HERC1: variants seen among roughly 807,000 people sequenced by gnomAD.
HERC1 encodes probable E3 ubiquitin-protein ligase HERC1.
In HERC1, 160 loss-of-function variants were observed where a neutral mutation model predicts 554.3. The observed-to-expected ratio is 0.29, with a 90% confidence interval of 0.25 to 0.33. The LOEUF (loss-of-function observed/expected upper bound fraction) is 0.33. Among genes scored for constraint, HERC1 ranks in the 10% least tolerant of loss-of-function variants. HERC1 has a pLI of 1.00. For synonymous variants in HERC1, 2,175 were observed against 2,131.7 expected (o/e 1.02, Z -0.56); for missense variants, 4,919 against 5,918.5 (o/e 0.83, Z 5.54).
intron 39 of HERC1, among the ~76,000 whole-genome samples, chr15:63,671,203 CAAAAAAAAAAA>C (rs371521135): frequency 1.6e-5 from 2 of 123,478 alleles, no homozygotes; most frequent in African/African-American, 6.1e-5. Context: ...AACTTTGTCT[CAAAAAAAAAAA>C]AAAAAAAATT....
At chr15:63,672,327 T>A (rs2070975500) in intron 39 of HERC1, among the ~76,000 whole-genome samples, 169 bp downstream of exon 39, 1 of 152,234 alleles carries the variant, frequency 6.6e-6, no homozygotes, top group Non-Finnish European at 1.5e-5. Flanking sequence ...ATTAAACTTC[T>A]GAGGGACATT....
chr15:63,709,146 C>T (rs146052857), intron 24 of HERC1, among the ~76,000 whole-genome samples: 1,937 of 151,850 alleles, frequency 0.013, 22 homozygotes, highest in East Asian at 0.023. Flanking sequence ...ACCACAACAC[C>T]CAGCTAATAT....
intron 1 of HERC1, among the ~76,000 whole-genome samples, chr15:63,811,092 T>C (rs2145278992): frequency 6.6e-6 from 1 of 152,174 alleles, no homozygotes; most frequent in African/African-American, 2.4e-5. Context: ...AATATATGAA[T>C]GTGATTGGAT....
intron 61 of HERC1, 123 bp downstream of exon 61, chr15:63,640,029 A>G (rs1442238884): frequency 2.2e-6 from 2 of 930,056 alleles, no homozygotes; most frequent in Non-Finnish European, 3.2e-6. Context: ...AATATTTTCC[A>G]TTTCTCTTAA....
intron 33 of HERC1, among the ~76,000 whole-genome samples, chr15:63,689,104 G>C (rs1344236637): frequency 6.6e-6 from 1 of 152,188 alleles, no homozygotes; most frequent in African/African-American, 2.4e-5. Flanking sequence ...CTTTCAAAGG[G>C]AATCAGGATT....
intron 26 of HERC1, among the ~76,000 whole-genome samples, chr15:63,697,314 G>C (rs1239298821): frequency 6.6e-6 from 1 of 151,902 alleles, no homozygotes; most frequent in African/African-American, 2.4e-5. Flanking sequence ...ATATTTTGTA[G>C]ATGTCCCTAA....
intron 27 of HERC1, among the ~76,000 whole-genome samples, chr15:63,695,478 C>A (rs953203444): frequency 6.6e-6 from 1 of 150,980 alleles, no homozygotes; most frequent in South Asian, 2.1e-4. Flanking sequence ...CTCCACCTCC[C>A]GGGTTCAAGC....
chr15:63,657,260 G>GTTTTT (rs770864894), intron 48 of HERC1, among the ~76,000 whole-genome samples: 1 of 124,804 alleles, frequency 8.0e-6, no homozygotes, highest in African/African-American at 3.0e-5. Context: ...TTTGTCTTAG[G>GTTTTT]TTTTTTTTTT....
rs570262799 is a variant in HERC1 at position 63,742,041 on chromosome 15, T to G, written c.2520+4877A>C. On this transcript the variant is annotated intron_variant, in intron 12 of 77. Coordinates refer to ENST00000443617, the MANE Select transcript of HERC1 (RefSeq NM_003922.4). ...CAAACAAAGCCAGCAAGAATTTTGA[T>G]AGTGATTGCACTCAATCTGTGAACC... 1.5e-3 allele frequency among the ~76,000 whole-genome samples: 228 copies of G among 152,346 alleles called. 1 individual carries two copies. Among genetic ancestry groups the G allele is most frequent in the Middle Eastern group, 6.8e-3 (2 of 294 alleles).
At chr15:63,644,014 G>A (rs1268653826) in intron 57 of HERC1, among the ~76,000 whole-genome samples, 1 of 152,142 alleles carries the variant, frequency 6.6e-6, no homozygotes, top group Non-Finnish European at 1.5e-5. Flanking sequence ...AGCTTTAGAA[G>A]TGACATAGGT....
chr15:63,699,946 G>T lies in HERC1; in HGVS notation c.4637-950C>A, dbSNP rs1188102133. 2.1e-4 allele frequency among the ~76,000 whole-genome samples: 32 copies of T among 151,750 alleles called. No individual in the cohort carries two copies. In the East Asian group the frequency reaches 6.0e-3, roughly 28 times the overall value. On this transcript the variant is annotated intron_variant, in intron 25 of 77. Transcript: ENST00000443617. ...TTCGTCATGACATACTCTCATCATT[G>T]GTCCATGCATGGCCCAATTTTGAAA...
chr15:63,735,910 C>T (rs1031734471), intron 12 of HERC1, among the ~76,000 whole-genome samples: 5 of 152,062 alleles, frequency 3.3e-5, no homozygotes, highest in African/African-American at 1.2e-4. Flanking sequence ...TAAAATAAAG[C>T]TAAAATCAAA....
chr15:63,679,343 T>C (rs374255542), intron 36 of HERC1, among the ~76,000 whole-genome samples: 1 of 152,224 alleles, frequency 6.6e-6, no homozygotes, highest in Non-Finnish European at 1.5e-5. Flanking sequence ...ATTAAAAATA[T>C]GTATTTTTAA....
rs760720907 is a variant in HERC1 at position 63,727,851 on chromosome 15, A to G, written c.3155-13T>C. On this transcript the variant is annotated splice_polypyrimidine_tract_variant and intron_variant, in intron 16 of 77. Coordinates refer to ENST00000443617, the MANE Select transcript of HERC1 (RefSeq NM_003922.4). The surrounding 1 kb of genome is among the most constrained non-coding windows in gnomAD (Gnocchi z 4.3). ...ACGTATATCACATCTATGAAGGGCA[A>G]GAAATTAAACATGGGACAATTGCTT... 6.9e-6 allele frequency: 11 copies of G among 1,603,842 alleles called. No individual in the cohort carries two copies. Among genetic ancestry groups the G allele is most frequent in the Non-Finnish European group, 9.4e-6 (11 of 1,173,052 alleles).
Position 63,674,792 on chromosome 15 carries a change from ATG to A in HERC1, c.7394_7395del (p.Ser2465PhefsTer25). 1 of 1,613,964 alleles carries A rather than the reference ATG, an allele frequency of 6.2e-7. No individual in the cohort carries two copies. The highest frequency in any genetic ancestry group is 8.5e-7 in the Non-Finnish European group (1 of 1,179,872). On this transcript the variant is annotated frameshift_variant, in exon 38 of 78. Coordinates refer to ENST00000443617, the MANE Select transcript of HERC1 (RefSeq NM_003922.4). LOFTEE classifies it high-confidence loss of function. ...CTTGGCAGTGTTGGATCTAAAGAAA[ATG>A]AAGCGATTTCATTTTCTGATTTGGA... ...TSSKSENEIA[S>X]FSLDPTLPSV...
chr15:63,714,467 T>C (rs2073445981), intron 22 of HERC1, among the ~76,000 whole-genome samples: 1 of 151,818 alleles, frequency 6.6e-6, no homozygotes, highest in South Asian at 2.1e-4. Flanking sequence ...GATGCAGTGG[T>C]AGATATTTCA....
intron 33 of HERC1, among the ~76,000 whole-genome samples, chr15:63,688,442 T>C (rs2071911183): frequency 6.6e-6 from 1 of 151,872 alleles, no homozygotes; most frequent in Non-Finnish European, 1.5e-5. Context: ...AATATAAGTC[T>C]AGAATTCAGG....
intron 1 of HERC1, among the ~76,000 whole-genome samples, chr15:63,795,718 A>C (rs2076791623): frequency 6.6e-6 from 1 of 152,222 alleles, no homozygotes; most frequent in Non-Finnish European, 1.5e-5. Flanking sequence ...TTCTGCCACG[A>C]GAGTACACCG....
chr15:63,790,254 A>C (rs2144110837), intron 1 of HERC1, among the ~76,000 whole-genome samples: 1 of 152,272 alleles, frequency 6.6e-6, no homozygotes, highest in Middle Eastern at 3.4e-3. Context: ...TCTACCACCA[A>C]TATTGGTTGT....
Sources: allele counts gnomAD v4.1 joint callset (sites outside exome capture counted in the v4.1 genomes callset), GRCh38; gene constraint gnomAD v4.1.1; non-coding constraint Gnocchi (gnomAD v3.1); transcripts MANE v1.5; gene names NCBI Gene and HGNC (gene_info 2026-07-23, HGNC 2026-07-21).